The following UBE3A variants were observed in gnomAD, a reference collection of about 807,000 sequenced individuals.
UBE3A encodes ubiquitin-protein ligase E3A.
A neutral mutation model predicts 83.4 loss-of-function variants in UBE3A; 6 were observed. The ratio of observed to expected loss-of-function variants is 0.07; its 90% confidence interval spans 0.04 to 0.14. The LOEUF (loss-of-function observed/expected upper bound fraction) is 0.14, where lower values mean the gene tolerates loss of function less well. Among genes scored for constraint, UBE3A ranks in the 10% least tolerant of loss-of-function variants. The probability of loss-of-function intolerance (pLI) is 1.00; values close to 1 mark genes in which losing one functional copy is unlikely to be tolerated. For missense variants in UBE3A, 456 were observed against 1,036.1 expected, an observed-to-expected ratio of 0.44 and a Z score of 7.69; for synonymous variants, 337 against 355.4, an observed-to-expected ratio of 0.95 and a Z score of 0.58.
At position 25,354,265 on chromosome 15, in the gene UBE3A, G is replaced by A. The variant is rs554698098; in HGVS notation, c.2354+88C>T. The A allele has an allele frequency of 1.7e-4, 202 of 1,169,966 alleles. 2 individuals carry two copies. The Middle Eastern group carries it at 3.1e-3, about 18-fold the overall frequency. The allele number at this position is 1,169,966 out of a possible 1,614,324, so 72.5% of individuals were successfully genotyped here. ...ACAATTTGTGAGTTTGCTTATTTGG[G>A]AATTAGTACCTAGAGATAAAGGTCT... On this transcript the variant is annotated intron_variant, in intron 11 of 12. Coordinates refer to ENST00000648336, the MANE Select transcript of UBE3A (RefSeq NM_130839.5).
intron 6 of UBE3A, 26 bp from the exon 7 acceptor site, chr15:25,360,553 AAAG>A (rs747494501): frequency 8.1e-6 from 13 of 1,610,584 alleles, no homozygotes; most frequent in Middle Eastern, 1.6e-4. Context: ...ATAAACATGA[AAAG>A]AAGATGATTG....
chr15:25,409,071 AAAT>A lies in UBE3A; in HGVS notation c.20+14_20+16del, dbSNP rs1209365486. On this transcript the variant is annotated intron_variant, in intron 3 of 12. Coordinates refer to ENST00000648336, the MANE Select transcript of UBE3A (RefSeq NM_130839.5). ...CAATGACAGCCTTTTAAAGGCTGTA[AAAT>A]AATTCAAAATTACCTTTTACAAGCT... The A allele has an allele frequency of 6.3e-7, 1 of 1,582,912 alleles. No individual in the cohort carries two copies. The highest frequency in any genetic ancestry group is 1.8e-5 in the Admixed American group (1 of 56,452).
At chr15:25,372,032 T>C (rs983696769) in intron 5 of UBE3A, among the ~76,000 whole-genome samples, 1 of 152,152 alleles carries the variant, frequency 6.6e-6, no homozygotes, top group Non-Finnish European at 1.5e-5. Context: ...ACCTCACCCA[T>C]GCTTTTACAT....
intron 1 of UBE3A, among the ~76,000 whole-genome samples, chr15:25,417,412 A>C (rs1887457694): frequency 6.6e-6 from 1 of 152,130 alleles, no homozygotes; most frequent in Non-Finnish European, 1.5e-5. Flanking sequence ...CCAGCATCCA[A>C]TCTTAAAAAA....
chr15:25,361,011 T>C (rs2077982313), intron 6 of UBE3A, among the ~76,000 whole-genome samples: 1 of 152,282 alleles, frequency 6.6e-6, no homozygotes, highest in South Asian at 2.1e-4. Context: ...AAGCAGTTTA[T>C]GGTCTCTCAC....
intron 4 of UBE3A, among the ~76,000 whole-genome samples, chr15:25,389,888 A>AACAGACAG (rs58701157): frequency 4.4e-4 from 67 of 151,896 alleles, no homozygotes; most frequent in African/African-American, 1.3e-3. Context: ...GCTCTGTCTC[A>AACAGACAG]ACAGACAGAC....
intron 11 of UBE3A, among the ~76,000 whole-genome samples, chr15:25,351,847 G>T (rs776790786): frequency 2.0e-5 from 3 of 152,190 alleles, no homozygotes; most frequent in Non-Finnish European, 2.9e-5. Context: ...TAGGAGCAGG[G>T]ATTGCACGTT....
At chr15:25,382,024 T>C (rs1241364684) in intron 4 of UBE3A, among the ~76,000 whole-genome samples, 4 of 152,208 alleles carry the variant, frequency 2.6e-5, no homozygotes, top group South Asian at 2.1e-4. Context: ...CTTCAATTAC[T>C]GTTTTATGGC....
At chr15:25,428,421 T>C (rs541153728) in intron 1 of UBE3A, among the ~76,000 whole-genome samples, 31 of 152,188 alleles carry the variant, frequency 2.0e-4, no homozygotes, top group Middle Eastern at 3.4e-3. Flanking sequence ...GAAAAAGACA[T>C]GATTTTTACA....
At chr15:25,420,632 T>C (rs1889327605) in intron 1 of UBE3A, 1 of 152,186 alleles carries the variant, frequency 6.6e-6, no homozygotes, top group African/African-American at 2.4e-5. Flanking sequence ...ATGGCAATTA[T>C]TTTAAATAAA....
In UBE3A at chr15:25,412,259, A is replaced by G. The variant is rs2090137472; in HGVS notation, c.-164-288T>C. Among the ~76,000 whole-genome samples the G allele has an allele frequency of 2.0e-5, 3 of 152,200 alleles. No homozygotes were observed. In the South Asian group the frequency reaches 6.2e-4, roughly 31 times the overall value. On this transcript the variant is annotated intron_variant, in intron 1 of 12. Coordinates refer to ENST00000648336, the MANE Select transcript of UBE3A (RefSeq NM_130839.5). The stretch of plus-strand genomic sequence containing the variant: ...CTCTATCCTCCCTCCAAAAGGGCTA[A>G]ACACATATGAAAACTATTTGACTAT...
intron 11 of UBE3A, chr15:25,346,238 C>A (rs546929125): frequency 6.6e-6 from 1 of 152,404 alleles, no homozygotes. Context: ...ACACACTCTG[C>A]GCAGCTCAGC....
chr15:25,366,956 TTTA>T (rs1339169386), intron 6 of UBE3A, among the ~76,000 whole-genome samples: 3 of 151,790 alleles, frequency 2.0e-5, no homozygotes, highest in Non-Finnish European at 4.4e-5. Context: ...TATTTATTTA[TTTA>T]TTTTTTTTAA....
At position 25,415,217 on chromosome 15, in the gene UBE3A, C is replaced by T. The variant is rs563390718; in HGVS notation, c.-164-3246G>A. Among the ~76,000 whole-genome samples the T allele has an allele frequency of 2.0e-5, 3 of 152,312 alleles. No homozygotes were observed. The South Asian group carries it at 6.2e-4, about 32-fold the overall frequency. ...CTGGTTTCCCTTTTGCCTTTATCCT[C>T]AACTTTGCCACTAGAATTATCTTCC... On this transcript the variant is annotated intron_variant, in intron 1 of 12. Coordinates refer to ENST00000648336, the MANE Select transcript of UBE3A (RefSeq NM_130839.5).
intron 11 of UBE3A, among the ~76,000 whole-genome samples, chr15:25,342,982 C>T (rs547567722): frequency 1.5e-3 from 225 of 152,190 alleles, no homozygotes; most frequent in African/African-American, 5.3e-3. Context: ...GTCCCTTAAG[C>T]GGCTGTAAAG....
At chr15:25,381,872 AT>A (rs1429004156) in intron 4 of UBE3A, among the ~76,000 whole-genome samples, 30 of 152,362 alleles carry the variant, frequency 2.0e-4, no homozygotes, top group African/African-American at 7.2e-4. Flanking sequence ...AATTTAGATT[AT>A]TTCAAGACTA....
chr15:25,380,814 A>G (rs2082054080), intron 4 of UBE3A, among the ~76,000 whole-genome samples: 1 of 152,204 alleles, frequency 6.6e-6, no homozygotes, highest in Admixed American at 6.5e-5. Flanking sequence ...AACTTTTCTT[A>G]TTTAGTCAGC....
At chr15:25,404,961 T>C (rs2088113347) in intron 4 of UBE3A, among the ~76,000 whole-genome samples, 1 of 152,236 alleles carries the variant, frequency 6.6e-6, no homozygotes, top group Admixed American at 6.5e-5. Flanking sequence ...TAGATTCCTA[T>C]TGCATACCTG....
intron 10 of UBE3A, 32 bp downstream of exon 10, chr15:25,354,496 A>G (rs746767378): frequency 1.2e-6 from 2 of 1,613,888 alleles, no homozygotes; most frequent in South Asian, 1.1e-5. Context: ...ATAAATCGAT[A>G]CATGACTTTT....
Sources: gnomAD v4.1 joint callset for allele counts (sites outside exome capture counted in the v4.1 genomes callset) on GRCh38, gnomAD v4.1.1 for gene constraint, MANE v1.5 for transcripts, NCBI Gene and HGNC (gene_info 2026-07-23, HGNC 2026-07-21) for gene names.